GPI: variants seen among roughly 807,000 people sequenced by gnomAD.
GPI encodes D-hexose-6-phosphate anomerase.
A neutral mutation model predicts 75.8 loss-of-function variants in GPI; 56 were observed. The ratio of observed to expected loss-of-function variants is 0.74; its 90% CI spans 0.60 to 0.92. GPI has a LOEUF of 0.92. Among genes scored for constraint, GPI ranks in the 40% least tolerant of loss-of-function variants. GPI has a pLI of 0.00. For missense variants in GPI, 638 were observed against 741.0 expected, an observed-to-expected ratio of 0.86 and a Z score of 1.61; for synonymous variants, 288 against 285.4, an observed-to-expected ratio of 1.01 and a Z score of -0.09.
intron 14 of GPI, 26 bp downstream of exon 14, chr19:34,396,683 T>A (rs1555721846): frequency 1.3e-6 from 2 of 1,597,504 alleles, no homozygotes. Context: ...TGGCCCCATC[T>A]GGGGGGTCTG....
upstream of GPI, chr19:34,364,956 G>C (rs949014947): frequency 1.0e-4 from 153 of 1,526,966 alleles, no homozygotes; most frequent in African/African-American, 2.1e-4. Context: ...AGTGATCCCC[G>C]GGCTCTGCCC....
Position 34,400,285 on chromosome 19 carries a change from CGTT to C in GPI, c.*253_*255del, listed in dbSNP as rs1007280588. ...AGCTGACTTTTCTGACCCATGTTCACGTTGTTCACATCCCATGTAGAAAAATAA... is the reference window on the plus strand; with the variant it reads ...AGCTGACTTTTCTGACCCATGTTCACGTTCACATCCCATGTAGAAAAATAA... On this transcript the variant is annotated 3_prime_UTR_variant, in exon 18 of 18. Coordinates refer to ENST00000356487, the MANE Select transcript of GPI (RefSeq NM_000175.5). 1.8e-4 allele frequency: 106 copies of C among 603,266 alleles called. No homozygotes were observed. The highest frequency in any genetic ancestry group is 9.7e-4 in the Admixed American group (34 of 35,114). 37.4% of individuals were successfully genotyped at this position (603,266 alleles called of 1,614,324 possible). A position where few individuals can be genotyped will look rare whatever the true frequency, so the allele number is the denominator to read the frequency against.
rs1452229693 is a variant in GPI, at chr19:34,399,569, A to G, written c.1412A>G (p.Asn471Ser). The G allele has an allele frequency of 2.5e-6, 4 of 1,614,180 alleles. No individual in the cohort carries two copies. The highest frequency in any genetic ancestry group is 3.4e-6 in the Non-Finnish European group (4 of 1,180,024). ...TGTTTTCTGCAGGTCTTTGAAGGAA[A>G]TCGCCCAACCAACTCTATTGTGTTC... ...RLLPHKVFEG[N>S]RPTNSIVFTK... is the part of the protein sequence containing the mutation. The change falls in exon 16 of 18, where the codon AAT becomes AGT. Residue 471 changes from asparagine to serine, a missense_variant. Coordinates refer to ENST00000356487, the MANE Select transcript of GPI (RefSeq NM_000175.5).
At chr19:34,382,145 G>A (rs2074664265) in intron 9 of GPI, among the ~76,000 whole-genome samples, 1 of 152,192 alleles carries the variant, frequency 6.6e-6, no homozygotes, top group Non-Finnish European at 1.5e-5. Context: ...GGCTCTGACT[G>A]TGAAGCCCAG....
At chr19:34,379,693 G>C in intron 8 of GPI, 131 bp downstream of exon 8, 5 of 824,848 alleles carry the variant, frequency 6.1e-6, no homozygotes, top group Non-Finnish European at 1.1e-5. Context: ...AGGTTTGGTT[G>C]CCTGTGGGCT....
chr19:34,398,957 G>T lies in GPI; in HGVS notation c.1270-250G>T, dbSNP rs550581415. On this transcript the variant is annotated intron_variant, in intron 14 of 17. Coordinates refer to ENST00000356487, the MANE Select transcript of GPI (RefSeq NM_000175.5). ...CCTGACCTCGTGGTCCATCCGCCTC[G>T]GCCTCCCAAAGTGTCGGGATTACAG... The T allele has an allele frequency of 2.6e-5, 9 of 352,440 alleles. No individual in the cohort carries two copies. In the East Asian group the frequency reaches 3.1e-4, roughly 12 times the overall value. The allele number at this position is 352,440 out of a possible 1,614,324, so 21.8% of individuals were successfully genotyped here. A position where few individuals can be genotyped will look rare whatever the true frequency, so the allele number is the denominator to read the frequency against.
chr19:34,392,194 T>TGGGAAC (rs1402050175), intron 9 of GPI: 54 of 50,804 alleles, frequency 1.1e-3, no homozygotes, highest in East Asian at 1.3e-3. Flanking sequence ...TCTGAGGAGG[T>TGGGAAC]TGGATCTGGC....
intron 4 of GPI, among the ~76,000 whole-genome samples, chr19:34,377,231 G>A (rs1367539900): frequency 7.1e-6 from 1 of 140,800 alleles, no homozygotes; most frequent in East Asian, 2.1e-4. Flanking sequence ...GAACCTGGGA[G>A]GCAGAGATTG....
chr19:34,390,570 C>T (rs1308086504), intron 9 of GPI, among the ~76,000 whole-genome samples: 1 of 151,948 alleles, frequency 6.6e-6, no homozygotes, highest in Non-Finnish European at 1.5e-5. Context: ...GTATGAGGCC[C>T]TGGGTCTGCT....
chr19:34,386,758 G>A (rs554772992), intron 9 of GPI, among the ~76,000 whole-genome samples: 1 of 152,340 alleles, frequency 6.6e-6, no homozygotes, highest in South Asian at 2.1e-4. Context: ...TAGCTAGAGA[G>A]ACATACAGCT....
chr19:34,397,974 A>G (rs2074968779), intron 14 of GPI: 1 of 151,522 alleles, frequency 6.6e-6, no homozygotes, highest in Admixed American at 6.6e-5. Context: ...ACAGCCTTGA[A>G]CTCCTGGGCT....
Position 34,399,912 on chromosome 19 carries a change from G to C in GPI, c.1553G>C (p.Gly518Ala). Residue 518 changes from glycine to alanine, a missense_variant, in exon 18 of 18, where the codon GGA (glycine) becomes GCA (alanine). Physicochemically the swap from Gly to Ala is moderately conservative, Grantham distance 60. Transcript: ENST00000356487. Reference sequence around the variant, plus strand: ...TCCCTTCTTGGCAGAGTGGAGCTGGGAAAGCAGCTGGCTAAGAAAATAGAG... The same window carrying C: ...TCCCTTCTTGGCAGAGTGGAGCTGGCAAAGCAGCTGGCTAAGAAAATAGAG... Reference protein sequence around the residue: ...NSFDQWGVELGKQLAKKIEPE... With the variant: ...NSFDQWGVELAKQLAKKIEPE... 6.2e-7 allele frequency: 1 copy of C among 1,614,074 alleles called. No homozygotes were observed. The highest frequency in any genetic ancestry group is 8.5e-7 in the Non-Finnish European group (1 of 1,180,024).
chr19:34,368,800 C>G, intron 4 of GPI, 98 bp downstream of exon 4: 2 of 1,386,684 alleles, frequency 1.4e-6, no homozygotes, highest in Non-Finnish European at 2.0e-6. Context: ...TTCTTGTAGG[C>G]AGGACTCAGG....
chr19:34,392,787 G>A (rs797003363), intron 9 of GPI: 1 of 284,124 alleles, frequency 3.5e-6, no homozygotes, highest in African/African-American at 2.2e-5. Context: ...GTCCATATCT[G>A]AGGAGGTAGG....
chr19:34,379,678 A>T, intron 8 of GPI, 116 bp downstream of exon 8: 2 of 903,350 alleles, frequency 2.2e-6, no homozygotes, highest in East Asian at 4.8e-5. Context: ...GGCTGATGGT[A>T]TGGAAGGTTT....
In GPI at chr19:34,375,634, C is replaced by T. The variant is rs925085294; in HGVS notation, c.403-1869C>T. Reference sequence around the variant, plus strand: ...TCTAAAGTGTCCCATACACAGGAAGCGAGTTGGCTGTGACTTTTGGAAAAA... The same window carrying T: ...TCTAAAGTGTCCCATACACAGGAAGTGAGTTGGCTGTGACTTTTGGAAAAA... On this transcript the variant is annotated intron_variant, in intron 4 of 17. Coordinates refer to ENST00000356487, the MANE Select transcript of GPI (RefSeq NM_000175.5). Among the ~76,000 whole-genome samples, 6 of 152,152 alleles carry T rather than the reference C, an allele frequency of 3.9e-5. No individual in the cohort carries two copies. In the East Asian group the frequency reaches 7.7e-4, roughly 20 times the overall value.
At chr19:34,383,497 T>C (rs1298139516) in intron 9 of GPI, among the ~76,000 whole-genome samples, 2 of 152,076 alleles carry the variant, frequency 1.3e-5, no homozygotes, top group Admixed American at 6.6e-5. Context: ...GGGTGGCTGA[T>C]TGCACAAGTT....
intron 4 of GPI, among the ~76,000 whole-genome samples, chr19:34,375,059 CTG>C (rs1270422197): frequency 1.3e-4 from 20 of 151,932 alleles, no homozygotes; most frequent in Non-Finnish European, 2.9e-5. Flanking sequence ...TATGACCACA[CTG>C]TACTTCTGAT....
chr19:34,394,617 A>G (rs1280189880), intron 12 of GPI, among the ~76,000 whole-genome samples: 1 of 149,158 alleles, frequency 6.7e-6, no homozygotes, highest in Non-Finnish European at 1.5e-5. Flanking sequence ...TTTGGACTAC[A>G]TGGCCCTCTT....
Sources: allele counts gnomAD v4.1 joint callset (sites outside exome capture counted in the v4.1 genomes callset), GRCh38; gene constraint gnomAD v4.1.1; transcripts MANE v1.5; gene names NCBI Gene and HGNC (gene_info 2026-07-23, HGNC 2026-07-21).